RPL18: variants seen among roughly 807,000 people sequenced by gnomAD.
RPL18 encodes large ribosomal subunit protein eL18.
Under a neutral mutation model 25.0 loss-of-function variants are expected in RPL18, and 4 were observed. The observed-to-expected ratio is 0.16, with a 90% CI of 0.08 to 0.37. The LOEUF is 0.37. Ranked by LOEUF, RPL18 falls within the 10% of genes least tolerant of loss-of-function variation. RPL18 has a pLI of 1.00. For missense variants in RPL18, 179 were observed against 267.9 expected (o/e 0.67, Z 2.32); for synonymous variants, 129 against 101.6 (o/e 1.27, Z -1.62).
intron 4 of RPL18, 31 bp from the exon 5 acceptor site, chr19:48,616,233 A>G: frequency 1.2e-6 from 2 of 1,610,264 alleles, no homozygotes; most frequent in African/African-American, 1.3e-5. Context: ...GGCGGGTCAG[A>G]CCCCTGCGTG....
intron 1 of RPL18, chr19:48,618,852 T>G (rs1974276376): frequency 1.9e-6 from 1 of 524,426 alleles, no homozygotes; most frequent in Non-Finnish European, 3.4e-6. Context: ...TAAGAGTGGC[T>G]GCGGGTCCAG....
Position 48,617,020 on chromosome 19 carries a change from A to G in RPL18, c.199-196T>C, listed in dbSNP as rs541138910. ...TAAAAAAAAAAATGCAGACTGTTCA[A>G]TAGGGCCTCCCTCAGCAGAGCCTTT... On this transcript the variant is annotated intron_variant, in intron 3 of 6. Coordinates refer to ENST00000549920, the MANE Select transcript of RPL18 (RefSeq NM_000979.4). The G allele has an allele frequency of 1.3e-4, 88 of 703,202 alleles. 2 individuals carry two copies. The highest frequency in any genetic ancestry group is 1.2e-3 in the South Asian group (83 of 67,222). The allele number at this position is 703,202 out of a possible 1,614,324, so 43.6% of individuals were successfully genotyped here.
chr19:48,615,362 G>A lies in RPL18; in HGVS notation c.*10C>T. 1.2e-6 allele frequency: 2 copies of A among 1,603,134 alleles called. No individual in the cohort carries two copies. The highest frequency in any genetic ancestry group is 1.1e-5 in the South Asian group (1 of 89,878). ...CAAAAATCTTTTTAATAAGAGAGTA[G>A]GATCCAGGGTTAGTTTTTGTAGCCT... On this transcript the variant is annotated 3_prime_UTR_variant, in exon 7 of 7. Coordinates refer to ENST00000549920, the MANE Select transcript of RPL18 (RefSeq NM_000979.4).
chr19:48,619,149 C>T lies in RPL18; in HGVS notation c.-6G>A, dbSNP rs1259866176. The T allele has an allele frequency of 5.0e-6, 8 of 1,597,054 alleles. No homozygotes were observed. In the East Asian group the frequency reaches 6.8e-5, roughly 14 times the overall value. On this transcript the variant is annotated 5_prime_UTR_variant, in exon 1 of 7. Coordinates refer to ENST00000549920, the MANE Select transcript of RPL18 (RefSeq NM_000979.4). The stretch of plus-strand genomic sequence containing the variant: ...CCGCAAAGCGAGCTCACCATGATGG[C>T]GCCTCCTGCTCGGCCAGGTCCGGAA...
chr19:48,615,333 T>C lies in RPL18; in HGVS notation c.*39A>G. On this transcript the variant is annotated 3_prime_UTR_variant, in exon 7 of 7. Coordinates refer to ENST00000549920, the MANE Select transcript of RPL18 (RefSeq NM_000979.4). ...CCCCAATAACACACACAGAGCACTG[T>C]CAGCAAAAATCTTTTTAATAAGAGA... The C allele has an allele frequency of 6.7e-7, 1 of 1,488,570 alleles. No homozygotes were observed. Among genetic ancestry groups the C allele is most frequent in the Non-Finnish European group, 9.3e-7 (1 of 1,075,436 alleles). The allele number at this position is 1,488,570 out of a possible 1,614,324, so 92.2% of individuals were successfully genotyped here. A position where few individuals can be genotyped will look rare whatever the true frequency, so the allele number is the denominator to read the frequency against.
Position 48,616,856 on chromosome 19 carries a change from G to C in RPL18, c.199-32C>G, listed in dbSNP as rs762134294. On this transcript the variant is annotated intron_variant, in intron 3 of 6. Coordinates refer to ENST00000549920, the MANE Select transcript of RPL18 (RefSeq NM_000979.4). Reference sequence around the variant, plus strand: ...GTGGGGAGGATGTACGTCGTAAGTTGTTCTGGTGTTTACATTCAGCCCCGC... The same window carrying C: ...GTGGGGAGGATGTACGTCGTAAGTTCTTCTGGTGTTTACATTCAGCCCCGC... 11 of 1,539,416 alleles carry C rather than the reference G, an allele frequency of 7.1e-6. No homozygotes were observed. In the African/African-American group the frequency reaches 8.2e-5, roughly 11 times the overall value.
At chr19:48,617,210 C>G in intron 3 of RPL18, 106 bp downstream of exon 3, 1 of 903,372 alleles carries the variant, frequency 1.1e-6, no homozygotes, top group South Asian at 1.3e-5. Flanking sequence ...TGAGACAAAC[C>G]CTTGATGCCC....
Position 48,617,632 on chromosome 19 carries a change from G to T in RPL18, c.90+159C>A, listed in dbSNP as rs557292597. ...CCACTCCCGAGCTGTACACAGCCTAGAGGCTGAAAATACAAATGCAGGAGA... is the reference window on the plus strand; with the variant it reads ...CCACTCCCGAGCTGTACACAGCCTATAGGCTGAAAATACAAATGCAGGAGA... On this transcript the variant is annotated intron_variant, in intron 2 of 6. Transcript: ENST00000549920. 151 of 694,238 alleles carry T rather than the reference G, an allele frequency of 2.2e-4. 2 individuals are homozygous for T. The South Asian group carries it at 2.8e-3, about 13-fold the overall frequency. 43.0% of individuals were successfully genotyped at this position (694,238 alleles called of 1,614,324 possible).
In RPL18 at chr19:48,616,202, C is replaced by T. The variant is rs1361957942; in HGVS notation, c.298G>A (p.Val100Ile). ...CGGCTGGTCACGCGCAGTGCACATA[C>T]CTGGTGGAGAGGACAAGGCTGGCGG... ...VRVQEVPKLK[V>I]CALRVTSRAR... The change falls in exon 5 of 7, where the codon GTA becomes ATA. Residue 100 changes from valine to isoleucine, a missense_variant and splice_region_variant. Physicochemically the swap from Val to Ile is conservative, Grantham distance 29 (BLOSUM62 3). Transcript: ENST00000549920. The T allele has an allele frequency of 6.2e-7, 1 of 1,613,498 alleles. No homozygotes were observed. Among genetic ancestry groups the T allele is most frequent in the Admixed American group, 1.7e-5 (1 of 59,984 alleles).
intron 3 of RPL18, 74 bp downstream of exon 3, chr19:48,617,242 G>C (rs1276247982): frequency 8.5e-7 from 1 of 1,175,386 alleles, no homozygotes. Flanking sequence ...AGAGCTCCAA[G>C]TCCTGCCTCC....
chr19:48,616,367 G>C (rs747740107), intron 4 of RPL18, 165 bp from the exon 5 acceptor site: 4 of 793,482 alleles, frequency 5.0e-6, no homozygotes, highest in Non-Finnish European at 7.9e-6. Context: ...AACACTTCCG[G>C]AACTTTCACC....
chr19:48,615,956 G>A lies in RPL18; in HGVS notation c.422-10C>T, dbSNP rs202212986. 3.1e-6 allele frequency: 5 copies of A among 1,614,058 alleles called. No individual in the cohort carries two copies. In the East Asian group the frequency reaches 8.9e-5, roughly 29 times the overall value. ...CGGCCCTTGCGAGGACCTAGGGAAG[G>A]GGAAGGAGAACCGGGTGAGACAGGG... On this transcript the variant is annotated splice_polypyrimidine_tract_variant and intron_variant, in intron 5 of 6. Coordinates refer to ENST00000549920, the MANE Select transcript of RPL18 (RefSeq NM_000979.4).
chr19:48,617,434 G>C lies in RPL18; in HGVS notation c.91-11C>G. 6.3e-7 allele frequency: 1 copy of C among 1,599,890 alleles called. No individual in the cohort carries two copies. The highest frequency in any genetic ancestry group is 1.3e-5 in the African/African-American group (1 of 74,750). On this transcript the variant is annotated splice_polypyrimidine_tract_variant and intron_variant, in intron 2 of 6. Coordinates refer to ENST00000549920, the MANE Select transcript of RPL18 (RefSeq NM_000979.4). ...CAGAAACCTGTATAACTGGAGGGAC[G>C]GGAAGACAGTGAGAAGCTGGGACAG...
chr19:48,616,585 AAGCCACTC>A, intron 4 of RPL18, 133 bp downstream of exon 4: 2 of 760,882 alleles, frequency 2.6e-6, no homozygotes, highest in Non-Finnish European at 2.3e-6. Flanking sequence ...CCAATCCTCA[AAGCCACTC>A]AGACAGGCAG....
At chr19:48,617,578 C>A in intron 2 of RPL18, 155 bp from the exon 3 acceptor site, 1 of 707,380 alleles carries the variant, frequency 1.4e-6, no homozygotes, top group Admixed American at 2.7e-5. Context: ...CCAGGTCCTT[C>A]CTGGCCAAGG....
intron 4 of RPL18, chr19:48,616,457 G>A (rs1053028150): frequency 1.7e-5 from 11 of 666,328 alleles, no homozygotes; most frequent in African/African-American, 1.4e-4. Flanking sequence ...TGACAAAGGA[G>A]TCTAGACTTG....
chr19:48,616,471 C>G, intron 4 of RPL18: 1 of 677,194 alleles, frequency 1.5e-6, no homozygotes, highest in Non-Finnish European at 2.7e-6. Flanking sequence ...AGACTTGAGC[C>G]CAGGCTGTCT....
intron 3 of RPL18, 65 bp downstream of exon 3, chr19:48,617,250 TC>T (rs1255185354): frequency 4.8e-6 from 6 of 1,258,394 alleles, no homozygotes; most frequent in Non-Finnish European, 7.0e-6. Flanking sequence ...AAGTCCTGCC[TC>T]CCTTCCAGAC....
intron 2 of RPL18, 49 bp downstream of exon 2, chr19:48,617,742 A>G (rs777204992): frequency 6.2e-6 from 9 of 1,445,694 alleles, no homozygotes; most frequent in Middle Eastern, 2.0e-4. Flanking sequence ...AGGATCTGCA[A>G]GTCAGACCTG....
Sources: gnomAD v4.1 joint callset for allele counts on GRCh38, gnomAD v4.1.1 for gene constraint, MANE v1.5 for transcripts, NCBI Gene and HGNC (gene_info 2026-07-23, HGNC 2026-07-21) for gene names.